The following ATP10B variants were observed in gnomAD, a reference collection of about 807,000 sequenced individuals.
ATP10B encodes the protein phospholipid-transporting ATPase VB.
ATP10B carries 122 observed loss-of-function variants against 141.2 expected under a neutral mutation model. The observed-to-expected ratio is 0.86, with a 90% CI of 0.75 to 1.00. The LOEUF (loss-of-function observed/expected upper bound fraction) is 1.00, where lower values mean the gene tolerates loss of function less well. ATP10B is among the 50% of genes least tolerant of loss of function. The probability of loss-of-function intolerance (pLI) is 0.00; values close to 1 mark genes in which losing one functional copy is unlikely to be tolerated. For synonymous variants in ATP10B, 685 were observed against 692.0 expected (o/e 0.99, Z 0.16); for missense variants, 1,876 against 1,825.3 (o/e 1.03, Z -0.51).
the ATP10B span, among the ~76,000 whole-genome samples, chr5:160,880,698 A>T: frequency 3.9e-5 from 6 of 152,202 alleles, no homozygotes; most frequent in Non-Finnish European, 8.8e-5. Context: ...TGGAACAAAG[A>T]CTGTCTTTTC....
In ATP10B at chr5:160,606,812, A is replaced by G; in HGVS notation, c.3113T>C (p.Ile1038Thr). The G allele has an allele frequency of 1.9e-6, 3 of 1,614,140 alleles. No homozygotes were observed. The highest frequency in any genetic ancestry group is 2.5e-6 in the Non-Finnish European group (3 of 1,179,998). ...CRSTPLQKSM[I>T]VKLVRDKLRV... Reference sequence around the variant, plus strand: ...CAACTTGTCTCGCACCAGCTTGACTATCATACTCTTCTGGAGTGGCGTGGA... The same window carrying G: ...CAACTTGTCTCGCACCAGCTTGACTGTCATACTCTTCTGGAGTGGCGTGGA... The change falls in exon 19 of 26, where the codon ATA becomes ACA. Residue 1038 changes from isoleucine (I) to threonine (T), a missense_variant. Ile to Thr is a moderately conservative substitution (Grantham distance 89). Coordinates refer to ENST00000327245, the MANE Select transcript of ATP10B (RefSeq NM_025153.3).
At chr5:160,578,436 G>A (rs1325774528) in intron 24 of ATP10B, among the ~76,000 whole-genome samples, 1 of 152,100 alleles carries the variant, frequency 6.6e-6, no homozygotes, top group African/African-American at 2.4e-5. Context: ...AGAACATGCA[G>A]TATTTTTGGT....
At chr5:160,792,932 A>C (rs1191013138) in intron 1 of ATP10B, among the ~76,000 whole-genome samples, 1 of 152,204 alleles carries the variant, frequency 6.6e-6, no homozygotes, top group African/African-American at 2.4e-5. Context: ...CTCTCAAAGC[A>C]CTTCAGAGCA....
intron 1 of ATP10B, among the ~76,000 whole-genome samples, chr5:160,799,276 G>A (rs1198655793): frequency 2.4e-4 from 36 of 152,148 alleles, no homozygotes; most frequent in Non-Finnish European, 4.4e-5. Flanking sequence ...CAGGGACAAC[G>A]TGGCACACTG....
chr5:160,838,144 A>C (rs1169380109), intron 1 of ATP10B, among the ~76,000 whole-genome samples: 1 of 152,194 alleles, frequency 6.6e-6, no homozygotes, highest in Non-Finnish European at 1.5e-5. Flanking sequence ...TCTCTGCTTT[A>C]TGTAGCATGA....
At position 160,811,591 on chromosome 5, in the gene ATP10B, C is replaced by T. The variant is rs114153709; in HGVS notation, c.-575-25788G>A. Among the ~76,000 whole-genome samples, 1,065 of 152,238 alleles carry T rather than the reference C, an allele frequency of 7.0e-3. 18 individuals are homozygous for T. Among genetic ancestry groups the T allele is most frequent in the African/African-American group, 0.024 (1,005 of 41,544 alleles). On this transcript the variant is annotated intron_variant, in intron 1 of 25. Transcript: ENST00000327245. ...TAGTGGCCATGGTGTGGCCATTTCC[C>T]CCTCTTCCTACCCCTGCCTATGGAA...
intron 2 of ATP10B, among the ~76,000 whole-genome samples, chr5:160,723,412 A>G (rs1358747777): frequency 6.6e-6 from 1 of 152,204 alleles, no homozygotes; most frequent in African/African-American, 2.4e-5. Context: ...ATGTAACAGT[A>G]GCTAACTATT....
At chr5:160,918,272 A>C in the ATP10B span, among the ~76,000 whole-genome samples, 2 of 152,222 alleles carry the variant, frequency 1.3e-5, no homozygotes, top group African/African-American at 4.8e-5. Context: ...TATAATTAGA[A>C]GTGGCAATAA....
chr5:160,813,230 C>T (rs1207818615), intron 1 of ATP10B, among the ~76,000 whole-genome samples: 1 of 152,196 alleles, frequency 6.6e-6, no homozygotes, highest in Non-Finnish European at 1.5e-5. Flanking sequence ...ATTCCCTTTC[C>T]TAGTCAAAGA....
intron 1 of ATP10B, among the ~76,000 whole-genome samples, chr5:160,838,802 A>C (rs1775632474): frequency 6.6e-6 from 1 of 152,160 alleles, no homozygotes; most frequent in African/African-American, 2.4e-5. Context: ...ACATACTGAA[A>C]TGTGATTCCC....
intron 2 of ATP10B, among the ~76,000 whole-genome samples, chr5:160,767,100 A>G (rs1769505381): frequency 6.6e-6 from 1 of 152,218 alleles, no homozygotes; most frequent in South Asian, 2.1e-4. Context: ...CTTTAACAGT[A>G]ACAGATAGCT....
intron 1 of ATP10B, among the ~76,000 whole-genome samples, chr5:160,789,202 G>A (rs912832719): frequency 3.3e-5 from 5 of 152,226 alleles, no homozygotes; most frequent in Middle Eastern, 3.4e-3. Context: ...GACCATCACC[G>A]GGAGACCCCT....
At chr5:160,670,705 A>C in intron 6 of ATP10B, 38 bp from the exon 7 acceptor site, 1 of 1,576,874 alleles carries the variant, frequency 6.3e-7, no homozygotes, top group Non-Finnish European at 8.7e-7. Flanking sequence ...GTGAGCTTTA[A>C]GTTTCCTCAG....
chr5:160,706,563 T>G (rs745579657), intron 3 of ATP10B, among the ~76,000 whole-genome samples: 1 of 152,190 alleles, frequency 6.6e-6, no homozygotes, highest in Non-Finnish European at 1.5e-5. Context: ...GAATTCCACT[T>G]AGGTTTACCT....
intron 7 of ATP10B, among the ~76,000 whole-genome samples, chr5:160,651,751 T>C (rs1699654378): frequency 6.6e-6 from 1 of 152,140 alleles, no homozygotes; most frequent in Non-Finnish European, 1.5e-5. Context: ...CCAACATAAA[T>C]AAACTCTCTA....
At chr5:160,863,899 G>T in the ATP10B span, among the ~76,000 whole-genome samples, 112,355 of 151,804 alleles carry the variant, frequency 0.74, 43,000 homozygotes, top group East Asian at 0.97. Flanking sequence ...AAACTAGGAA[G>T]AAATAGAAAC....
intron 22 of ATP10B, among the ~76,000 whole-genome samples, chr5:160,594,424 C>G (rs1476986533): frequency 6.6e-6 from 1 of 152,202 alleles, no homozygotes; most frequent in Non-Finnish European, 1.5e-5. Context: ...GTACCAGCCA[C>G]TGCAAAATCA....
chr5:160,767,551 TAG>T (rs1769542263), intron 2 of ATP10B, among the ~76,000 whole-genome samples: 1 of 151,714 alleles, frequency 6.6e-6, no homozygotes, highest in Non-Finnish European at 1.5e-5. Context: ...TCTGTTGCCA[TAG>T]AATGTATTAT....
rs1240384438 is a variant in ATP10B, at chr5:160,686,252, C to T, written c.297G>A (p.Leu99=). 2 of 1,602,538 alleles carry T rather than the reference C, an allele frequency of 1.2e-6. No individual in the cohort carries two copies. Among genetic ancestry groups the T allele is most frequent in the Admixed American group, 3.4e-5 (2 of 59,254 alleles). Residue 99 remains leucine, a synonymous_variant, in exon 6 of 26, where the codon CTG becomes CTA. Coordinates refer to ENST00000327245, the MANE Select transcript of ATP10B (RefSeq NM_025153.3). ...QFHRWANLYF[L]FLVILNWMPS... is the part of the protein sequence containing the mutation. ...GCATCCAGTTCAAAATCACCAGGAACAGGAAATAGAGGTTAGCCCATCTGG... is the reference window on the plus strand; with the variant it reads ...GCATCCAGTTCAAAATCACCAGGAATAGGAAATAGAGGTTAGCCCATCTGG...
Sources: gnomAD v4.1 joint callset for allele counts (sites outside exome capture counted in the v4.1 genomes callset) on GRCh38, gnomAD v4.1.1 for gene constraint, MANE v1.5 for transcripts, NCBI Gene and HGNC (gene_info 2026-07-23, HGNC 2026-07-21) for gene names.